The following FFAR2 variants were observed in gnomAD, a reference collection of about 807,000 sequenced individuals.
The protein encoded by FFAR2 is free fatty acid receptor 2, also known as G-protein coupled receptor 43.
For synonymous variants in FFAR2, 193 were observed against 189.9 expected (o/e 1.02, Z -0.13); for missense variants, 421 against 428.9 (o/e 0.98, Z 0.16).
rs1022638534 is a variant in FFAR2, at chr19:35,448,373, A to G, written c.-8A>G. 6.6e-6 allele frequency: 1 copy of G among 152,312 alleles called. No individual in the cohort carries two copies. Among genetic ancestry groups the G allele is most frequent in the Admixed American group, 6.6e-5 (1 of 15,266 alleles). The allele number at this position is 152,312 out of a possible 1,614,324, so 9.4% of individuals were successfully genotyped here. On this transcript the variant is annotated 5_prime_UTR_variant, in exon 1 of 2. Coordinates refer to ENST00000599180, the MANE Select transcript of FFAR2 (RefSeq NM_001370087.1). ...CCCAAGAAGCCACCTATCCGGAACAACACAAGGCAAGGCAGCTAGTGTAGT... is the reference window on the plus strand; with the variant it reads ...CCCAAGAAGCCACCTATCCGGAACAGCACAAGGCAAGGCAGCTAGTGTAGT...
chr19:35,450,228 C>T lies in FFAR2; in HGVS notation c.514C>T (p.Gln172Ter). The change falls in exon 2 of 2, where the codon CAG (glutamine) becomes TAG (stop). Residue 172 changes from glutamine (Q) to a stop codon, truncating the protein, a stop_gained. Coordinates refer to ENST00000599180, the MANE Select transcript of FFAR2 (RefSeq NM_001370087.1). LOFTEE classifies it low-confidence loss of function (END_TRUNC). ...ITCYENFTDNQLDVVLPVRLE... is the reference protein window; with the variant it reads ...ITCYENFTDN ...CTGCTACGAGAACTTCACCGATAAC[C>T]AGTTGGACGTGGTGCTGCCCGTGCG... is the stretch of plus-strand genomic sequence containing the variant. The T allele has an allele frequency of 1.9e-6, 3 of 1,614,194 alleles. No homozygotes were observed. Among genetic ancestry groups the T allele is most frequent in the Non-Finnish European group, 2.5e-6 (3 of 1,180,046 alleles).
rs759442379 is a variant in FFAR2 at position 35,450,076 on chromosome 19, G to C, written c.362G>C (p.Arg121Pro). Residue 121 changes from arginine to proline, a missense_variant, in exon 2 of 2, where the codon CGC becomes CCC. Physicochemically the swap from Arg to Pro is moderately radical, Grantham distance 103 (BLOSUM62 -2). Transcript: ENST00000599180. ...TTCCCCGTGCAGTACAAGCTCTCCC[G>C]CCGGCCTCTGTATGGAGTGATTGCA... ...VAFPVQYKLSRRPLYGVIAAL... is the reference protein window; with the variant it reads ...VAFPVQYKLSPRPLYGVIAAL... 5.0e-6 allele frequency: 8 copies of C among 1,614,082 alleles called. No homozygotes were observed. The African/African-American group carries it at 1.1e-4, about 22-fold the overall frequency.
At chr19:35,449,582 G>A (rs1359908712) in intron 1 of FFAR2, 132 bp from the exon 2 acceptor site, 6 of 909,722 alleles carry the variant, frequency 6.6e-6, no homozygotes, top group Admixed American at 5.7e-5. Context: ...TGAGCAAGCC[G>A]TGGTGGCATC....
Position 35,450,598 on chromosome 19 carries a change from G to A in FFAR2, c.884G>A (p.Gly295Asp), listed in dbSNP as rs753460016. Residue 295 changes from glycine (G) to aspartate (D), a missense_variant, in exon 2 of 2, where the codon GGC (glycine) becomes GAC (aspartate). Gly to Asp is a moderately conservative substitution (Grantham distance 94, BLOSUM62 -1). Transcript: ENST00000599180. The stretch of plus-strand genomic sequence containing the variant: ...GGGCTGCAGGTGCTGCGGAATCAGG[G>A]CTCCTCCCTGTTGGGACGCAGAGGC... ...GRGLQVLRNQGSSLLGRRGKD... is the reference protein window; with the variant it reads ...GRGLQVLRNQDSSLLGRRGKD... 1 of 1,614,224 alleles carries A rather than the reference G, an allele frequency of 6.2e-7. No homozygotes were observed. The highest frequency in any genetic ancestry group is 8.5e-7 in the Non-Finnish European group (1 of 1,180,048).
chr19:35,449,914 T>C lies in FFAR2; in HGVS notation c.200T>C (p.Ile67Thr). The C allele has an allele frequency of 2.5e-6, 4 of 1,613,244 alleles. No homozygotes were observed. Among genetic ancestry groups the C allele is most frequent in the East Asian group, 2.2e-5 (1 of 44,878 alleles). The part of the protein sequence containing the change: ...LLLLLLPFKI[I>T]EAASNFRWYL... ...CTGCTGCTGCTGCCCTTCAAGATCA[T>C]CGAGGCTGCGTCGAACTTCCGCTGG... Residue 67 changes from isoleucine (I) to threonine (T), a missense_variant, in exon 2 of 2, where the codon ATC becomes ACC. Physicochemically the swap from Ile to Thr is moderately conservative, Grantham distance 89. Coordinates refer to ENST00000599180, the MANE Select transcript of FFAR2 (RefSeq NM_001370087.1).
At position 35,451,012 on chromosome 19, in the gene FFAR2, G is replaced by A. The variant is rs781631500; in HGVS notation, c.*305G>A. On this transcript the variant is annotated 3_prime_UTR_variant, in exon 2 of 2. Transcript: ENST00000599180. Reference sequence around the variant, plus strand: ...TGAGGCAGGTGGATCACTTGAGGTCGGGAGATTGAGAACATCCTGGTCAAC... The same window carrying A: ...TGAGGCAGGTGGATCACTTGAGGTCAGGAGATTGAGAACATCCTGGTCAAC... The A allele has an allele frequency of 2.9e-5, 8 of 276,726 alleles. No homozygotes were observed. Among genetic ancestry groups the A allele is most frequent in the East Asian group, 7.3e-5 (1 of 13,636 alleles). The allele number at this position is 276,726 out of a possible 1,614,324, so 17.1% of individuals were successfully genotyped here.
rs896189438 is a variant in FFAR2 at position 35,451,220 on chromosome 19, T to TAA, written c.*535_*536dup. ...CCTAGCGACAGAGCAAGACTCCATT[T>TAA]AAAAAAAAAAAAAAAAAAAAAAAGA... On this transcript the variant is annotated 3_prime_UTR_variant, in exon 2 of 2. Coordinates refer to ENST00000599180, the MANE Select transcript of FFAR2 (RefSeq NM_001370087.1). 2,331 of 112,072 alleles carry TAA rather than the reference T, an allele frequency of 0.021. 30 individuals carry two copies. The highest frequency in any genetic ancestry group is 0.032 in the Non-Finnish European group (1,755 of 54,664). The allele number at this position is 112,072 out of a possible 1,614,324, so 6.9% of individuals were successfully genotyped here. A position where few individuals can be genotyped will look rare whatever the true frequency, so the allele number is the denominator to read the frequency against.
At chr19:35,448,871 T>G (rs1479079364) in intron 1 of FFAR2, among the ~76,000 whole-genome samples, 4 of 151,210 alleles carry the variant, frequency 2.6e-5, no homozygotes, top group African/African-American at 9.8e-5. Context: ...TGGCGCAATC[T>G]TGACTCACTG....
At position 35,448,371 on chromosome 19, in the gene FFAR2, C is replaced by T. The variant is rs1013210877; in HGVS notation, c.-10C>T. 1.3e-5 allele frequency: 2 copies of T among 152,418 alleles called. No individual in the cohort carries two copies. The highest frequency in any genetic ancestry group is 2.1e-4 in the South Asian group (1 of 4,828). 9.4% of individuals were successfully genotyped at this position (152,418 alleles called of 1,614,324 possible). On this transcript the variant is annotated 5_prime_UTR_variant, in exon 1 of 2. An upstream open reading frame in the 5' UTR gains an earlier in-frame stop. Transcript: ENST00000599180. ...ATCCCAAGAAGCCACCTATCCGGAACAACACAAGGCAAGGCAGCTAGTGTA... is the reference window on the plus strand; with the variant it reads ...ATCCCAAGAAGCCACCTATCCGGAATAACACAAGGCAAGGCAGCTAGTGTA...
rs531566827 is a variant in FFAR2, at chr19:35,449,817, C to G, written c.103C>G (p.Arg35Gly). The G allele has an allele frequency of 3.1e-6, 5 of 1,613,476 alleles. No individual in the cohort carries two copies. The highest frequency in any genetic ancestry group is 1.3e-5 in the African/African-American group (1 of 74,944). Residue 35 changes from arginine (R) to glycine (G), a missense_variant, in exon 2 of 2, where the codon CGG (arginine) becomes GGG (glycine). Coordinates refer to ENST00000599180, the MANE Select transcript of FFAR2 (RefSeq NM_001370087.1). ...CCTGGCCCTGCGGGCCTTTGTGGGG[C>G]GGATCCGCCAGCCCCAGCCTGCACC... ...NLLALRAFVG[R>G]IRQPQPAPVH...
intron 1 of FFAR2, among the ~76,000 whole-genome samples, 186 bp downstream of exon 1, chr19:35,448,565 C>G (rs538452358): frequency 1.3e-5 from 2 of 152,266 alleles, no homozygotes; most frequent in East Asian, 1.9e-4. Context: ...GACAGAGGGA[C>G]AGGACCTGGG....
Position 35,449,732 on chromosome 19 carries a change from G to A in FFAR2, c.18G>A (p.Lys6=), listed in dbSNP as rs532448025. Residue 6 remains lysine (K), a synonymous_variant, in exon 2 of 2, where the codon AAG becomes AAA. Coordinates refer to ENST00000599180, the MANE Select transcript of FFAR2 (RefSeq NM_001370087.1). MLPDW[K]SSLILMAYII... ...CCTCCAGGATGCTGCCGGACTGGAA[G>A]AGCTCCTTGATCCTCATGGCTTACA... 6.4e-7 allele frequency: 1 copy of A among 1,556,246 alleles called. No homozygotes were observed. The highest frequency in any genetic ancestry group is 1.2e-5 in the South Asian group (1 of 81,646).
rs771871320 is a variant in FFAR2, at chr19:35,450,390, G to T, written c.676G>T (p.Val226Leu). 6.2e-7 allele frequency: 1 copy of T among 1,614,234 alleles called. No individual in the cohort carries two copies. The highest frequency in any genetic ancestry group is 8.5e-7 in the Non-Finnish European group (1 of 1,180,050). ...GCGCCGAGCCGTGGGGCTGGCTGTG[G>T]TGACGCTGCTCAATTTCCTGGTGTG... ...RRRRAVGLAV[V>L]TLLNFLVCFG... Residue 226 changes from valine to leucine, a missense_variant, in exon 2 of 2, where the codon GTG becomes TTG. Physicochemically the swap from Val to Leu is conservative, Grantham distance 32. Coordinates refer to ENST00000599180, the MANE Select transcript of FFAR2 (RefSeq NM_001370087.1).
chr19:35,450,217 T>C lies in FFAR2; in HGVS notation c.503T>C (p.Phe168Ser), dbSNP rs560626864. 1 of 1,614,162 alleles carries C rather than the reference T, an allele frequency of 6.2e-7. No homozygotes were observed. Among genetic ancestry groups the C allele is most frequent in the African/African-American group, 1.3e-5 (1 of 75,036 alleles). The stretch of plus-strand genomic sequence containing the variant: ...AATGAAATTACCTGCTACGAGAACT[T>C]CACCGATAACCAGTTGGACGTGGTG... ...SGNEITCYEN[F>S]TDNQLDVVLP... Residue 168 changes from phenylalanine (F) to serine (S), a missense_variant, in exon 2 of 2, where the codon TTC (phenylalanine) becomes TCC (serine). Coordinates refer to ENST00000599180, the MANE Select transcript of FFAR2 (RefSeq NM_001370087.1).
Position 35,451,099 on chromosome 19 carries a change from C to A in FFAR2, c.*392C>A. On this transcript the variant is annotated 3_prime_UTR_variant, in exon 2 of 2. Transcript: ENST00000599180. ...ATTAGCTGGGCATGGTGGCACATGC[C>A]TATAATCCCAGCTACTCTGGAGGCT... 1 of 184,008 alleles carries A rather than the reference C, an allele frequency of 5.4e-6. No individual in the cohort carries two copies. Among genetic ancestry groups the A allele is most frequent in the South Asian group, 9.6e-5 (1 of 10,364 alleles). 11.4% of individuals were successfully genotyped at this position (184,008 alleles called of 1,614,324 possible).
Position 35,450,384 on chromosome 19 carries a change from G to A in FFAR2, c.670G>A (p.Ala224Thr). 1 of 1,614,248 alleles carries A rather than the reference G, an allele frequency of 6.2e-7. No individual in the cohort carries two copies. The highest frequency in any genetic ancestry group is 1.1e-5 in the South Asian group (1 of 91,090). ...GAGGCGGCGCCGAGCCGTGGGGCTG[G>A]CTGTGGTGACGCTGCTCAATTTCCT... ...AQRRRRAVGL[A>T]VVTLLNFLVC... Residue 224 changes from alanine to threonine, a missense_variant, in exon 2 of 2, where the codon GCT (alanine) becomes ACT (threonine). Coordinates refer to ENST00000599180, the MANE Select transcript of FFAR2 (RefSeq NM_001370087.1).
In FFAR2 at chr19:35,449,869, C is replaced by A. The variant is rs1253813043; in HGVS notation, c.155C>A (p.Thr52Lys). ...GTGCACATCCTCCTGCTGAGCCTGACGCTGGCCGACCTCCTCCTGCTGCTG... is the reference window on the plus strand; with the variant it reads ...GTGCACATCCTCCTGCTGAGCCTGAAGCTGGCCGACCTCCTCCTGCTGCTG... ...APVHILLLSLTLADLLLLLLL... is the reference protein window; with the variant it reads ...APVHILLLSLKLADLLLLLLL... Residue 52 changes from threonine to lysine, a missense_variant, in exon 2 of 2, where the codon ACG (threonine) becomes AAG (lysine). Coordinates refer to ENST00000599180, the MANE Select transcript of FFAR2 (RefSeq NM_001370087.1). 1.2e-6 allele frequency: 2 copies of A among 1,613,268 alleles called. No homozygotes were observed. Among genetic ancestry groups the A allele is most frequent in the Non-Finnish European group, 1.7e-6 (2 of 1,180,020 alleles).
rs2067383031 is a variant in FFAR2 at position 35,451,746 on chromosome 19, A to G, written c.*1039A>G. ...AGCAACCTGGTCTAGCAAATTGAAA[A>G]TAAAGATGATAAAACTCTGAAGTGA... On this transcript the variant is annotated 3_prime_UTR_variant, in exon 2 of 2. Coordinates refer to ENST00000599180, the MANE Select transcript of FFAR2 (RefSeq NM_001370087.1). The G allele has an allele frequency of 1.3e-5, 2 of 152,370 alleles. No homozygotes were observed. The highest frequency in any genetic ancestry group is 4.1e-4 in the South Asian group (2 of 4,832). 9.4% of individuals were successfully genotyped at this position (152,370 alleles called of 1,614,324 possible). A position where few individuals can be genotyped will look rare whatever the true frequency, so the allele number is the denominator to read the frequency against.
In FFAR2 at chr19:35,450,432, G is replaced by A. The variant is rs146776953; in HGVS notation, c.718G>A (p.Val240Met). ...CCTGGTGTGCTTCGGACCTTACAAC[G>A]TGTCCCACCTGGTGGGGTATCACCA... ...NFLVCFGPYN[V>M]SHLVGYHQRK... Residue 240 changes from valine to methionine, a missense_variant, in exon 2 of 2, where the codon GTG becomes ATG. Coordinates refer to ENST00000599180, the MANE Select transcript of FFAR2 (RefSeq NM_001370087.1). 375 of 1,614,244 alleles carry A rather than the reference G, an allele frequency of 2.3e-4. No individual in the cohort carries two copies. The highest frequency in any genetic ancestry group is 8.2e-4 in the Middle Eastern group (5 of 6,062).
Sources: gnomAD v4.1 joint callset for allele counts (sites outside exome capture counted in the v4.1 genomes callset) on GRCh38, gnomAD v4.1.1 for gene constraint, MANE v1.5 for transcripts, NCBI Gene and HGNC (gene_info 2026-07-23, HGNC 2026-07-21) for gene names.